RAB6D: variants seen among roughly 807,000 people sequenced by gnomAD.
RAB6D encodes the protein RAB6D, member RAS oncogene family.
Under a neutral mutation model 17.5 loss-of-function variants are expected in RAB6D, and 11 were observed. The observed-to-expected ratio is 0.63, with a 90% confidence interval of 0.39 to 1.04. RAB6D has a LOEUF of 1.04. Ranked by LOEUF, RAB6D falls within the 50% of genes least tolerant of loss-of-function variation. The pLI, the probability that RAB6D is intolerant of heterozygous loss-of-function variation, is 0.00. For missense variants in RAB6D, 163 were observed against 315.1 expected, an observed-to-expected ratio of 0.52 and a Z score of 3.65; for synonymous variants, 68 against 122.6, an observed-to-expected ratio of 0.55 and a Z score of 2.94.
rs1487163304 is a variant in RAB6D, at chr2:131,363,255, T to C, written c.466A>G (p.Arg156Gly). ...KGLNVTFIET[R>G]AKAGYNVKQL... ...TTTACATTGTATCCAGCTTTTGCCC[T>C]AGTTTCAATAAACGTAACATTCAGC... The change falls in exon 1 of 1, where the codon AGG (arginine) becomes GGG (glycine). Residue 156 changes from arginine to glycine, a missense_variant. Physicochemically the swap from Arg to Gly is moderately radical, Grantham distance 125. Transcript: ENST00000623617. 6.2e-7 allele frequency: 1 copy of C among 1,613,728 alleles called. No homozygotes were observed. The highest frequency in any genetic ancestry group is 1.7e-5 in the Admixed American group (1 of 59,972).
Position 131,363,386 on chromosome 2 carries a change from C to G in RAB6D, c.335G>C (p.Arg112Thr), listed in dbSNP as rs1413610668. ...QQTTKWIDDV[R>T]TEGGSDVIIT... ...GATAACATCACTTCCTCCTTCTGTTCTGACATCATCAATCCACTTTGTAGT... is the reference window on the plus strand; with the variant it reads ...GATAACATCACTTCCTCCTTCTGTTGTGACATCATCAATCCACTTTGTAGT... The change falls in exon 1 of 1, where the codon AGA becomes ACA. Residue 112 changes from arginine (R) to threonine (T), a missense_variant. Arg to Thr is a moderately conservative substitution (Grantham distance 71). This residue lies in a region of RAB6D where 144 missense variants were observed against 244.4 expected (regional missense o/e 0.59). Coordinates refer to ENST00000623617, the MANE Select transcript of RAB6D (RefSeq NM_001077637.3). 3.1e-6 allele frequency: 5 copies of G among 1,613,970 alleles called. No individual in the cohort carries two copies. The South Asian group carries it at 5.5e-5, about 18-fold the overall frequency.
Position 131,362,909 on chromosome 2 carries a change from T to C in RAB6D, c.*47A>G, listed in dbSNP as rs1366328900. The C allele has an allele frequency of 6.5e-7, 1 of 1,531,402 alleles. No homozygotes were observed. Among genetic ancestry groups the C allele is most frequent in the Non-Finnish European group, 8.7e-7 (1 of 1,145,388 alleles). The allele number at this position is 1,531,402 out of a possible 1,614,324, so 94.9% of individuals were successfully genotyped here. ...AAATAGTTTGGCTTTTTGTAAAATA[T>C]AAATAATGAAGACGCTGACTTTTTT... On this transcript the variant is annotated 3_prime_UTR_variant, in exon 1 of 1. Coordinates refer to ENST00000623617, the MANE Select transcript of RAB6D (RefSeq NM_001077637.3).
At position 131,362,968 on chromosome 2, in the gene RAB6D, G is replaced by C; in HGVS notation, c.753C>G (p.Val251=). 1.2e-6 allele frequency: 2 copies of C among 1,606,236 alleles called. No individual in the cohort carries two copies. The highest frequency in any genetic ancestry group is 1.1e-5 in the South Asian group (1 of 90,728). The change falls in exon 1 of 1, where the codon GTC becomes GTG. Residue 251 remains valine (V), a synonymous_variant. Coordinates refer to ENST00000623617, the MANE Select transcript of RAB6D (RefSeq NM_001077637.3). ...TCAAGCTAATAGATCATCTCCACGA[G>C]ACAGGCAGCAATGATGAATTGCAAA... is the stretch of plus-strand genomic sequence containing the variant. ...ITFCNSSLLP[V]SWR
At position 131,363,269 on chromosome 2, in the gene RAB6D, G is replaced by C. The variant is rs372991765; in HGVS notation, c.452C>G (p.Thr151Arg). 3 of 1,613,940 alleles carry C rather than the reference G, an allele frequency of 1.9e-6. No individual in the cohort carries two copies. Among genetic ancestry groups the C allele is most frequent in the South Asian group, 2.2e-5 (2 of 91,058 alleles). Residue 151 changes from threonine (T) to arginine (R), a missense_variant, in exon 1 of 1, where the codon ACG (threonine) becomes AGG (arginine). Coordinates refer to ENST00000623617, the MANE Select transcript of RAB6D (RefSeq NM_001077637.3). ...GERKAKGLNV[T>R]FIETRAKAGY... ...AGCTTTTGCCCTAGTTTCAATAAAC[G>C]TAACATTCAGCCCTTTGGCTTTCCT...
In RAB6D at chr2:131,362,239, A is replaced by C. The variant is rs930074211; in HGVS notation, c.*717T>G. ...ACAGAATAACTCTTGACAATTTTAA[A>C]ACCTTGGGAGAAATAGTTCATTAGA... is the stretch of plus-strand genomic sequence containing the variant. On this transcript the variant is annotated 3_prime_UTR_variant, in exon 1 of 1. Coordinates refer to ENST00000623617, the MANE Select transcript of RAB6D (RefSeq NM_001077637.3). 6.0e-6 allele frequency: 1 copy of C among 167,116 alleles called. No individual in the cohort carries two copies. Among genetic ancestry groups the C allele is most frequent in the African/African-American group, 2.4e-5 (1 of 41,448 alleles). 10.4% of individuals were successfully genotyped at this position (167,116 alleles called of 1,614,324 possible).
Position 131,362,288 on chromosome 2 carries a change from A to G in RAB6D, c.*668T>C, listed in dbSNP as rs1176591380. The G allele has an allele frequency of 1.8e-5, 3 of 167,192 alleles. No homozygotes were observed. Among genetic ancestry groups the G allele is most frequent in the African/African-American group, 7.2e-5 (3 of 41,472 alleles). 10.4% of individuals were successfully genotyped at this position (167,192 alleles called of 1,614,324 possible). On this transcript the variant is annotated 3_prime_UTR_variant, in exon 1 of 1. Coordinates refer to ENST00000623617, the MANE Select transcript of RAB6D (RefSeq NM_001077637.3). ...GAACGTCATTATCTTACCATGAAGAATTAAATACTAAAAACCTGTTCTGAA... is the reference window on the plus strand; with the variant it reads ...GAACGTCATTATCTTACCATGAAGAGTTAAATACTAAAAACCTGTTCTGAA...
Position 131,362,951 on chromosome 2 carries a change from A to C in RAB6D, c.*5T>G. The C allele has an allele frequency of 6.2e-7, 1 of 1,606,480 alleles. No individual in the cohort carries two copies. Among genetic ancestry groups the C allele is most frequent in the Non-Finnish European group, 8.5e-7 (1 of 1,174,294 alleles). On this transcript the variant is annotated 3_prime_UTR_variant, in exon 1 of 1. Transcript: ENST00000623617. ...GACTTTTTTTGTGCTTGTCAAGCTA[A>C]TAGATCATCTCCACGAGACAGGCAG... is the stretch of plus-strand genomic sequence containing the variant.
Position 131,363,282 on chromosome 2 carries a change from C to T in RAB6D, c.439G>A (p.Gly147Arg). ...GTTTCAATAAACGTAACATTCAGCC[C>T]TTTGGCTTTCCTCTCTCCCTCCTCA... ...SIEEGERKAK[G>R]LNVTFIETRA... The change falls in exon 1 of 1, where the codon GGG becomes AGG. Residue 147 changes from glycine to arginine, a missense_variant. Around this residue, in one of 2 missense-constraint regions of RAB6D, gnomAD observed 144 missense variants for 244.4 expected, o/e 0.59. Transcript: ENST00000623617. 1 of 1,614,032 alleles carries T rather than the reference C, an allele frequency of 6.2e-7. No homozygotes were observed. The highest frequency in any genetic ancestry group is 1.1e-5 in the South Asian group (1 of 91,070).
rs1181006405 is a variant in RAB6D, at chr2:131,360,697, T to C, written c.*2259A>G. Among the ~76,000 whole-genome samples the C allele has an allele frequency of 1.3e-5, 2 of 152,060 alleles. No homozygotes were observed. Among genetic ancestry groups the C allele is most frequent in the South Asian group, 2.1e-4 (1 of 4,824 alleles). On this transcript the variant is annotated 3_prime_UTR_variant, in exon 1 of 1. Transcript: ENST00000623617. ...AGACATTATACAAAATATGAAAACA[T>C]GAATAGACAATATATAATGCCTAAT...
rs1388637871 is a variant in RAB6D at position 131,361,423 on chromosome 2, T to C, written c.*1533A>G. On this transcript the variant is annotated 3_prime_UTR_variant, in exon 1 of 1. Coordinates refer to ENST00000623617, the MANE Select transcript of RAB6D (RefSeq NM_001077637.3). ...GAGGGGATGAGGAAGTATGAAGATA[T>C]TTTTGTTGTCTTTTCATCTTTATAC... 2.4e-5 allele frequency: 4 copies of C among 167,086 alleles called. No homozygotes were observed. Among genetic ancestry groups the C allele is most frequent in the East Asian group, 1.9e-4 (1 of 5,206 alleles). 10.4% of individuals were successfully genotyped at this position (167,086 alleles called of 1,614,324 possible). A position where few individuals can be genotyped will look rare whatever the true frequency, so the allele number is the denominator to read the frequency against.
In RAB6D at chr2:131,362,891, TTG is replaced by T. The variant is rs1703441208; in HGVS notation, c.*63_*64del. ...TATCACTGGAATACGCTGAAATAGT[TTG>T]GCTTTTTGTAAAATATAAATAATGA... On this transcript the variant is annotated 3_prime_UTR_variant, in exon 1 of 1. Transcript: ENST00000623617. 6.5e-7 allele frequency: 1 copy of T among 1,539,414 alleles called. No homozygotes were observed. Among genetic ancestry groups the T allele is most frequent in the Non-Finnish European group, 8.7e-7 (1 of 1,148,298 alleles).
At position 131,361,214 on chromosome 2, in the gene RAB6D, T is replaced by A. The variant is rs6714228; in HGVS notation, c.*1742A>T. 6,086 of 167,174 alleles carry A rather than the reference T, an allele frequency of 0.036. 310 individuals carry two copies. Among genetic ancestry groups the A allele is most frequent in the African/African-American group, 0.12 (4,860 of 41,548 alleles). 10.4% of individuals were successfully genotyped at this position (167,174 alleles called of 1,614,324 possible). Reference sequence around the variant, plus strand: ...TTGTATTATAAAAGCACTTTATAACTCCATCCCATCTTTAAGTGTAAGTTA... The same window carrying A: ...TTGTATTATAAAAGCACTTTATAACACCATCCCATCTTTAAGTGTAAGTTA... On this transcript the variant is annotated 3_prime_UTR_variant, in exon 1 of 1. Coordinates refer to ENST00000623617, the MANE Select transcript of RAB6D (RefSeq NM_001077637.3).
rs1390705059 is a variant in RAB6D at position 131,363,293 on chromosome 2, C to G, written c.428G>C (p.Arg143Thr). ...CGTAACATTCAGCCCTTTGGCTTTCCTCTCTCCCTCCTCAATTGACACTTG... is the reference window on the plus strand; with the variant it reads ...CGTAACATTCAGCCCTTTGGCTTTCGTCTCTCCCTCCTCAATTGACACTTG... The part of the protein sequence containing the change: ...KRQVSIEEGE[R>T]KAKGLNVTFI... Residue 143 changes from arginine (R) to threonine (T), a missense_variant, in exon 1 of 1, where the codon AGG (arginine) becomes ACG (threonine). Coordinates refer to ENST00000623617, the MANE Select transcript of RAB6D (RefSeq NM_001077637.3). 1 of 1,614,092 alleles carries G rather than the reference C, an allele frequency of 6.2e-7. No homozygotes were observed. Among genetic ancestry groups the G allele is most frequent in the Non-Finnish European group, 8.5e-7 (1 of 1,180,044 alleles).
At position 131,362,397 on chromosome 2, in the gene RAB6D, T is replaced by A. The variant is rs1309113252; in HGVS notation, c.*559A>T. Reference sequence around the variant, plus strand: ...TTTTAGTCAGAAATACATTTTATGTTCTGCTACTTATAAGTACTCAGTATG... The same window carrying A: ...TTTTAGTCAGAAATACATTTTATGTACTGCTACTTATAAGTACTCAGTATG... On this transcript the variant is annotated 3_prime_UTR_variant, in exon 1 of 1. Transcript: ENST00000623617. 11 of 169,234 alleles carry A rather than the reference T, an allele frequency of 6.5e-5. No homozygotes were observed. Among genetic ancestry groups the A allele is most frequent in the Non-Finnish European group, 1.6e-4 (11 of 69,490 alleles). 10.5% of individuals were successfully genotyped at this position (169,234 alleles called of 1,614,324 possible). A position where few individuals can be genotyped will look rare whatever the true frequency, so the allele number is the denominator to read the frequency against.
chr2:131,363,666 G>A lies in RAB6D; in HGVS notation c.55C>T (p.Leu19=), dbSNP rs1559283596. The A allele has an allele frequency of 4.9e-6, 7 of 1,435,176 alleles. No individual in the cohort carries two copies. The highest frequency in any genetic ancestry group is 3.8e-6 in the Non-Finnish European group (4 of 1,049,910). 88.9% of individuals were successfully genotyped at this position (1,435,176 alleles called of 1,614,324 possible). A position where few individuals can be genotyped will look rare whatever the true frequency, so the allele number is the denominator to read the frequency against. The change falls in exon 1 of 1, where the codon CTG becomes TTG. Residue 19 remains leucine (L), a synonymous_variant. Transcript: ENST00000623617. ...GTCTTTGCAACGCTTTGCTCCCCCA[G>A]GAACACCAGCTTGAATTTCCTCAGC... ...NPLRKFKLVF[L]GEQSVAKTSL...
rs1204034713 is a variant in RAB6D at position 131,361,663 on chromosome 2, A to G, written c.*1293T>C. ...ATTGCCATGGTGAAGCTCTAAATAGATTCAACGAAACATCTAAAAATTGAA... is the reference window on the plus strand; with the variant it reads ...ATTGCCATGGTGAAGCTCTAAATAGGTTCAACGAAACATCTAAAAATTGAA... On this transcript the variant is annotated 3_prime_UTR_variant, in exon 1 of 1. Transcript: ENST00000623617. The G allele has an allele frequency of 6.1e-6, 1 of 165,094 alleles. No individual in the cohort carries two copies. Among genetic ancestry groups the G allele is most frequent in the Admixed American group, 6.7e-5 (1 of 14,826 alleles). The allele number at this position is 165,094 out of a possible 1,614,324, so 10.2% of individuals were successfully genotyped here. A position where few individuals can be genotyped will look rare whatever the true frequency, so the allele number is the denominator to read the frequency against.
chr2:131,364,125 AGCC>A lies in RAB6D; in HGVS notation c.-408_-406del, dbSNP rs919630075. The stretch of plus-strand genomic sequence containing the variant: ...TCACGCGCGGCGCTTCGGCTTCCCC[AGCC>A]GCCGCCGCCGCAGCCCAACCTGCTG... On this transcript the variant is annotated 5_prime_UTR_variant, in exon 1 of 1. Transcript: ENST00000623617. 3.0e-3 allele frequency: 716 copies of A among 235,422 alleles called. 6 individuals carry two copies. Among genetic ancestry groups the A allele is most frequent in the African/African-American group, 0.014 (597 of 43,354 alleles). 14.6% of individuals were successfully genotyped at this position (235,422 alleles called of 1,614,324 possible). A position where few individuals can be genotyped will look rare whatever the true frequency, so the allele number is the denominator to read the frequency against.
rs1703438581 is a variant in RAB6D at position 131,362,711 on chromosome 2, G to A, written c.*245C>T. The A allele has an allele frequency of 2.5e-6, 1 of 401,464 alleles. No homozygotes were observed. Among genetic ancestry groups the A allele is most frequent in the African/African-American group, 2.1e-5 (1 of 48,540 alleles). 24.9% of individuals were successfully genotyped at this position (401,464 alleles called of 1,614,324 possible). A position where few individuals can be genotyped will look rare whatever the true frequency, so the allele number is the denominator to read the frequency against. On this transcript the variant is annotated 3_prime_UTR_variant, in exon 1 of 1. Coordinates refer to ENST00000623617, the MANE Select transcript of RAB6D (RefSeq NM_001077637.3). ...AAATAGGGAACGGGGTAAGGGAGAG[G>A]TGAGAAGAGCAAGGAGAGATAAAGC...
rs1368973394 is a variant in RAB6D, at chr2:131,363,865, G to A, written c.-145C>T. 4.5e-6 allele frequency: 6 copies of A among 1,345,540 alleles called. No homozygotes were observed. The Admixed American group carries it at 1.3e-4, about 29-fold the overall frequency. The allele number at this position is 1,345,540 out of a possible 1,614,324, so 83.4% of individuals were successfully genotyped here. On this transcript the variant is annotated 5_prime_UTR_variant, in exon 1 of 1. Coordinates refer to ENST00000623617, the MANE Select transcript of RAB6D (RefSeq NM_001077637.3). ...AAGGGCCGGTGGAGGAGCCCGGCTG[G>A]AGGGCAGCAGGACTCTCCACAGACT...
Sources: allele counts gnomAD v4.1 joint callset (sites outside exome capture counted in the v4.1 genomes callset), GRCh38; gene constraint gnomAD v4.1.1; regional missense constraint gnomAD v4.1.1; transcripts MANE v1.5; gene names NCBI Gene and HGNC (gene_info 2026-07-23, HGNC 2026-07-21).